Variants in PCDH11Y observed in about 807,000 individuals in gnomAD.
PCDH11Y encodes protocadherin 11 Y-linked.
For missense variants in PCDH11Y, 12 were observed against 224.8 expected (o/e 0.05, Z 6.05); for synonymous variants, 9 against 83.6 (o/e 0.11, Z 4.87).
chrY:5,318,319 C>T, intron 2 of PCDH11Y, among the ~76,000 whole-genome samples: 1 of 32,164 alleles, frequency 3.1e-5, no homozygotes. Flanking sequence ...GATTTGCCAC[C>T]AAGAATGACA....
At chrY:5,349,238 G>C in intron 2 of PCDH11Y, among the ~76,000 whole-genome samples, 1 of 32,327 alleles carries the variant, frequency 3.1e-5, no homozygotes, top group South Asian at 7.0e-4. Context: ...CCATTTGGGA[G>C]TAGGGCCTAT....
At chrY:5,594,589 G>C in intron 4 of PCDH11Y, among the ~76,000 whole-genome samples, 1 of 33,286 alleles carries the variant, frequency 3.0e-5, no homozygotes, top group Non-Finnish European at 7.5e-5. Context: ...ATGCAGTTGA[G>C]GGAGGGAGGG....
chrY:5,656,308 C>G, intron 4 of PCDH11Y, among the ~76,000 whole-genome samples: 1 of 32,902 alleles, frequency 3.0e-5, no homozygotes, highest in African/African-American at 1.2e-4. Context: ...CTTATATATT[C>G]TTGTTATGAA....
intron 2 of PCDH11Y, among the ~76,000 whole-genome samples, chrY:5,220,654 G>T: frequency 8.6e-5 from 2 of 23,137 alleles, no homozygotes; most frequent in Non-Finnish European, 1.9e-4. Context: ...CTTGTGATCC[G>T]CCCGCCTCAG....
chrY:5,069,241 A>C (rs1602856021), intron 1 of PCDH11Y, among the ~76,000 whole-genome samples: 15 of 33,455 alleles, frequency 4.5e-4, no homozygotes, highest in African/African-American at 1.6e-3. Flanking sequence ...CACACACACA[A>C]AAAAAACAGA....
At chrY:5,330,030 G>A (rs2053128494) in intron 2 of PCDH11Y, among the ~76,000 whole-genome samples, 1 of 33,662 alleles carries the variant, frequency 3.0e-5, no homozygotes, top group Admixed American at 2.7e-4. Context: ...TGAGCAACAT[G>A]GCTGTTTATT....
intron 4 of PCDH11Y, among the ~76,000 whole-genome samples, chrY:5,599,745 T>C: frequency 8.9e-5 from 3 of 33,588 alleles, no homozygotes; most frequent in Admixed American, 2.8e-4. Context: ...TAATTAATAA[T>C]TGATGTATTT....
At chrY:5,639,374 T>C (rs2053521090) in intron 4 of PCDH11Y, among the ~76,000 whole-genome samples, 1 of 32,919 alleles carries the variant, frequency 3.0e-5, no homozygotes, top group Non-Finnish European at 7.4e-5. Context: ...GTGGGCTCAG[T>C]TCCAGACCAT....
At chrY:5,424,634 AC>A (rs2053261542) in intron 2 of PCDH11Y, among the ~76,000 whole-genome samples, 1 of 33,585 alleles carries the variant, frequency 3.0e-5, no homozygotes, top group Non-Finnish European at 7.4e-5. Context: ...ATGTGCCCCT[AC>A]TTAGTCTTCT....
At chrY:5,105,949 CTG>C (rs2052791723), downstream of PCDH11Y, among the ~76,000 whole-genome samples, 1 of 32,825 alleles carries the variant, frequency 3.0e-5, no homozygotes, top group Non-Finnish European at 7.5e-5. Context: ...TTAAATAAGT[CTG>C]TTTTATTTCT....
At chrY:5,573,347 T>TGGGGGTCTGGCAGGAATGGG in intron 3 of PCDH11Y, 1 of 268,887 alleles carries the variant, frequency 3.7e-6, no homozygotes, top group East Asian at 9.9e-5. Context: ...CGGGGATGGC[T>TGGGGGTCTGGCAGGAATGGG]GGGGGTCTGG....
chrY:5,234,143 A>G, intron 2 of PCDH11Y, among the ~76,000 whole-genome samples: 3 of 31,408 alleles, frequency 9.6e-5, no homozygotes, highest in Non-Finnish European at 2.3e-4. Context: ...GCTTTCAGAA[A>G]GATTTGCCTT....
intron 2 of PCDH11Y, among the ~76,000 whole-genome samples, chrY:5,235,211 AT>A (rs2052973601): frequency 1.3e-4 from 4 of 31,709 alleles, no homozygotes; most frequent in African/African-American, 4.9e-4. Flanking sequence ...TATTGTCTCT[AT>A]TTTTTAGATG....
chrY:5,021,166 A>G lies in PCDH11Y; in HGVS notation c.-133-10740A>G, dbSNP rs2052568962. Among the ~76,000 whole-genome samples the G allele has an allele frequency of 1.3e-3, 44 of 33,335 alleles. No individual in the cohort carries two copies. The South Asian group carries it at 0.017, about 13-fold the overall frequency. 89.4% of individuals were successfully genotyped at this position (33,335 alleles called of 37,273 possible). On this transcript the variant is annotated intron_variant, in intron 1 of 5. Coordinates refer to the PCDH11Y transcript ENST00000333703. ...GAGAAAGTTGCCAGGTTCACATAGT[A>G]GGGAGATTGAACTGATAGTAGGGAG...
At chrY:5,597,339 GTA>G (rs2053468246) in intron 4 of PCDH11Y, among the ~76,000 whole-genome samples, 1 of 26,199 alleles carries the variant, frequency 3.8e-5, no homozygotes, top group Non-Finnish European at 8.8e-5. Context: ...ATATATATAC[GTA>G]TATATATGTG....
At chrY:5,576,126 A>G in intron 3 of PCDH11Y, among the ~76,000 whole-genome samples, 3 of 32,212 alleles carry the variant, frequency 9.3e-5, no homozygotes, top group African/African-American at 3.6e-4. Context: ...AAATTTGTAT[A>G]TTATCATAAC....
intron 1 of PCDH11Y, among the ~76,000 whole-genome samples, chrY:5,071,756 G>T: frequency 3.1e-5 from 1 of 32,083 alleles, no homozygotes; most frequent in African/African-American, 1.2e-4. Flanking sequence ...CATTCGTTTT[G>T]AAGATTTTCT....
intron 2 of PCDH11Y, among the ~76,000 whole-genome samples, chrY:5,333,236 G>A (rs1602906206): frequency 7.8e-4 from 26 of 33,400 alleles, no homozygotes; most frequent in Admixed American, 2.5e-3. Flanking sequence ...TTTGAAATAC[G>A]AAGTGTTAAC....
intron 1 of PCDH11Y, among the ~76,000 whole-genome samples, chrY:5,079,729 G>C: frequency 3.0e-5 from 1 of 33,462 alleles, no homozygotes. Context: ...CTTGTGATGG[G>C]AGAGGCTGCC....
Sources: gnomAD v4.1 joint callset for allele counts (sites outside exome capture counted in the v4.1 genomes callset) on GRCh38, gnomAD v4.1.1 for gene constraint, MANE v1.5 for transcripts, NCBI Gene and HGNC (gene_info 2026-07-23, HGNC 2026-07-21) for gene names.